Variants in ZNF236 observed in about 807,000 individuals in gnomAD.
The protein encoded by ZNF236 is regulated by glucose.
Under a neutral mutation model 191.2 loss-of-function variants are expected in ZNF236, and 50 were observed. The ratio of observed to expected loss-of-function variants is 0.26; its 90% CI spans 0.21 to 0.33. ZNF236 has a LOEUF of 0.33. Ranked by LOEUF, ZNF236 falls within the 10% of genes least tolerant of loss-of-function variation. The probability of loss-of-function intolerance (pLI) is 1.00; values close to 1 mark genes in which losing one functional copy is unlikely to be tolerated. For synonymous variants in ZNF236, 907 were observed against 928.8 expected (o/e 0.98, Z 0.43); for missense variants, 1,754 against 2,374.5 (o/e 0.74, Z 5.43).
chr18:76,838,438 G>A (rs1043600510), intron 1 of ZNF236, among the ~76,000 whole-genome samples: 15 of 152,270 alleles, frequency 9.9e-5, no homozygotes, highest in Non-Finnish European at 1.9e-4. Context: ...GGAAAGTCGT[G>A]GAAATTTCAG....
Position 76,925,354 on chromosome 18 carries a change from A to G in ZNF236, c.3827A>G (p.Tyr1276Cys). Reference protein sequence around the residue: ...GRRKTHMQFHYKPDPKKARKP... With the variant: ...GRRKTHMQFHCKPDPKKARKP... ...AGAAAGACACACATGCAGTTTCATT[A>G]TAAACCAGACCCAAAGAAGGCCAGA... Residue 1276 changes from tyrosine to cysteine, a missense_variant, in exon 22 of 31, where the codon TAT becomes TGT. Transcript: ENST00000320610. This position sits in a 1 kb window ranked among gnomAD's most constrained non-coding sequence, Gnocchi z 5.7. 1 of 1,614,242 alleles carries G rather than the reference A, an allele frequency of 6.2e-7. No homozygotes were observed. The highest frequency in any genetic ancestry group is 8.5e-7 in the Non-Finnish European group (1 of 1,180,048).
intron 13 of ZNF236, among the ~76,000 whole-genome samples, chr18:76,906,353 T>C (rs1248455374): frequency 1.3e-5 from 2 of 152,198 alleles, no homozygotes; most frequent in East Asian, 1.9e-4. Flanking sequence ...TAATTACATA[T>C]CCACTTACAC....
intron 3 of ZNF236, among the ~76,000 whole-genome samples, chr18:76,864,849 C>G (rs528477741): frequency 1.3e-5 from 2 of 151,632 alleles, no homozygotes; most frequent in Non-Finnish European, 2.9e-5. Context: ...AGCACAATCT[C>G]CAAGAATGCC....
At chr18:76,957,539 T>C (rs1202871343) in intron 28 of ZNF236, among the ~76,000 whole-genome samples, 1 of 152,222 alleles carries the variant, frequency 6.6e-6, no homozygotes, top group Non-Finnish European at 1.5e-5. Flanking sequence ...ACTTTCACTT[T>C]AGGTTCGGAG....
chr18:76,904,610 A>T, intron 12 of ZNF236, 89 bp downstream of exon 12: 1 of 1,237,620 alleles, frequency 8.1e-7, no homozygotes, highest in African/African-American at 1.6e-5. Context: ...GGATGGTAGC[A>T]TTAGCTTTTG....
chr18:76,937,090 C>T, intron 25 of ZNF236, 66 bp from the exon 26 acceptor site: 1 of 1,491,516 alleles, frequency 6.7e-7, no homozygotes, highest in South Asian at 1.2e-5. Flanking sequence ...CATCGCTCTC[C>T]CTATGCCCTT....
At chr18:76,842,438 C>CTTT (rs34838341) in intron 1 of ZNF236, among the ~76,000 whole-genome samples, 3 of 141,590 alleles carry the variant, frequency 2.1e-5, no homozygotes, top group South Asian at 2.3e-4. Flanking sequence ...CCCCCCTCAA[C>CTTT]TTTTTTTTTT....
At chr18:76,892,143 T>C (rs1045373034) in intron 9 of ZNF236, among the ~76,000 whole-genome samples, 1 of 149,788 alleles carries the variant, frequency 6.7e-6, no homozygotes, top group African/African-American at 2.4e-5. Context: ...TTTTTTTTTT[T>C]TTTCTTTTTG....
At chr18:76,956,556 A>AG (rs1262729601) in intron 28 of ZNF236, among the ~76,000 whole-genome samples, 6 of 152,180 alleles carry the variant, frequency 3.9e-5, no homozygotes, top group Admixed American at 2.0e-4. Flanking sequence ...GACTTTCTGT[A>AG]GGGGCATTGG....
chr18:76,909,080 G>A lies in ZNF236; in HGVS notation c.2551+507G>A, dbSNP rs1967144673. 2.0e-5 allele frequency among the ~76,000 whole-genome samples: 3 copies of A among 151,954 alleles called. No homozygotes were observed. The South Asian group carries it at 6.2e-4, about 32-fold the overall frequency. ...CGCCTGTAATCCCAGCACTTTGGGA[G>A]GCTGAGGCAGGTGGATCACTTGAGG... On this transcript the variant is annotated intron_variant, in intron 14 of 30. Coordinates refer to ENST00000320610, the MANE Select transcript of ZNF236 (RefSeq NM_001306089.2).
chr18:76,902,504 C>T (rs1977624575), intron 11 of ZNF236, among the ~76,000 whole-genome samples: 1 of 152,140 alleles, frequency 6.6e-6, no homozygotes, highest in African/African-American at 2.4e-5. Context: ...GCATGGCATT[C>T]AGTCTGCATG....
intron 1 of ZNF236, among the ~76,000 whole-genome samples, chr18:76,827,284 C>G (rs1481092657): frequency 1.3e-5 from 2 of 152,140 alleles, no homozygotes; most frequent in African/African-American, 4.8e-5. Context: ...CTCCTGGGTT[C>G]AAGTGATTCT....
intron 1 of ZNF236, chr18:76,824,211 T>C: frequency 4.3e-6 from 3 of 702,088 alleles, no homozygotes; most frequent in Non-Finnish European, 7.9e-6. Flanking sequence ...AAGAAAGAGG[T>C]AATGGGTAGG....
chr18:76,881,796 G>C (rs530234470), intron 9 of ZNF236, among the ~76,000 whole-genome samples: 2 of 152,280 alleles, frequency 1.3e-5, no homozygotes, highest in African/African-American at 2.4e-5. Context: ...TTGAAAGCTT[G>C]TTGTCTCCGA....
At chr18:76,907,074 G>A (rs761529011) in intron 13 of ZNF236, among the ~76,000 whole-genome samples, 4 of 152,232 alleles carry the variant, frequency 2.6e-5, no homozygotes, top group Admixed American at 6.5e-5. Flanking sequence ...GTGCCACTGC[G>A]CTGCTGTGTG....
At chr18:76,862,858 G>A (rs769321070) in intron 3 of ZNF236, among the ~76,000 whole-genome samples, 5 of 152,184 alleles carry the variant, frequency 3.3e-5, no homozygotes, top group South Asian at 2.1e-4. Context: ...ACACAGACAC[G>A]AGCCAGCACA....
intron 19 of ZNF236, among the ~76,000 whole-genome samples, chr18:76,918,791 G>GCTT (rs1232928274): frequency 3.3e-5 from 5 of 152,126 alleles, no homozygotes; most frequent in African/African-American, 1.2e-4. Context: ...CTGGCCTGAA[G>GCTT]CAATCTTTCC....
In ZNF236 at chr18:76,919,951, C is replaced by T; in HGVS notation, c.3450C>T (p.Arg1150=). The change falls in exon 20 of 31, where the codon CGC becomes CGT. Residue 1150 remains arginine (R), a synonymous_variant. Coordinates refer to ENST00000320610, the MANE Select transcript of ZNF236 (RefSeq NM_001306089.2). This position sits in a 1 kb window ranked among gnomAD's most constrained non-coding sequence, Gnocchi z 5.3. The part of the protein sequence containing the change: ...VLVQSAAEKD[R]ISELRDKQAE... The stretch of plus-strand genomic sequence containing the variant: ...TGCAGTCCGCGGCAGAAAAGGACCG[C>T]ATCAGTGAGCTGAGGGACAAGCAGG... The T allele has an allele frequency of 6.2e-7, 1 of 1,614,190 alleles. No homozygotes were observed. Among genetic ancestry groups the T allele is most frequent in the South Asian group, 1.1e-5 (1 of 91,082 alleles).
intron 1 of ZNF236, among the ~76,000 whole-genome samples, chr18:76,825,257 A>G (rs987462627): frequency 4.6e-5 from 7 of 152,242 alleles, no homozygotes; most frequent in African/African-American, 1.2e-4. Flanking sequence ...TCTGAACACC[A>G]GTCCTCCTGT....
Sources: gnomAD v4.1 joint callset for allele counts (sites outside exome capture counted in the v4.1 genomes callset) on GRCh38, gnomAD v4.1.1 for gene constraint, Gnocchi (gnomAD v3.1) non-coding constraint, MANE v1.5 for transcripts, NCBI Gene and HGNC (gene_info 2026-07-23, HGNC 2026-07-21) for gene names.